Variants in SLC7A2 observed in about 807,000 individuals in gnomAD.
SLC7A2 encodes cationic amino acid transporter 2.
A neutral mutation model predicts 58.9 loss-of-function variants in SLC7A2; 48 were observed. That is an observed-to-expected ratio of 0.82 (90% CI 0.65 to 1.04). The LOEUF (loss-of-function observed/expected upper bound fraction) is 1.04. SLC7A2 is among the 50% of genes least tolerant of loss of function. The pLI is 0.00. For synonymous variants in SLC7A2, 363 were observed against 314.5 expected, an observed-to-expected ratio of 1.15 and a Z score of -1.63; for missense variants, 1,029 against 818.8, an observed-to-expected ratio of 1.26 and a Z score of -3.13.
chr8:17,507,657 A>G (rs992235765), intron 2 of SLC7A2, among the ~76,000 whole-genome samples: 14 of 152,218 alleles, frequency 9.2e-5, no homozygotes, highest in Non-Finnish European at 2.1e-4. Context: ...TCCTATAAAT[A>G]TGTACAATTA....
intron 2 of SLC7A2, among the ~76,000 whole-genome samples, chr8:17,508,882 A>G (rs892476652): frequency 3.9e-5 from 6 of 152,120 alleles, no homozygotes; most frequent in Admixed American, 3.3e-4. Context: ...TATTTCTCTC[A>G]GTTTTTGAAG....
At chr8:17,523,753 A>G (rs1801109728) in intron 2 of SLC7A2, among the ~76,000 whole-genome samples, 1 of 152,188 alleles carries the variant, frequency 6.6e-6, no homozygotes. Context: ...AAAAACAAAG[A>G]TAACTAGATG....
At chr8:17,517,623 T>G (rs563761269) in intron 2 of SLC7A2, among the ~76,000 whole-genome samples, 1 of 152,196 alleles carries the variant, frequency 6.6e-6, no homozygotes, top group Non-Finnish European at 1.5e-5. Context: ...AGTATCTTTC[T>G]TTGTTCTTAA....
At chr8:17,551,504 G>A (rs545900640) in intron 6 of SLC7A2, among the ~76,000 whole-genome samples, 1 of 152,230 alleles carries the variant, frequency 6.6e-6, no homozygotes, top group South Asian at 2.1e-4. Context: ...GGCTGAGGCA[G>A]GAGAATTGCT....
intron 9 of SLC7A2, among the ~76,000 whole-genome samples, chr8:17,558,823 G>A (rs1403291508): frequency 6.6e-6 from 1 of 152,136 alleles, no homozygotes; most frequent in African/African-American, 2.4e-5. Context: ...TTAAATAAAT[G>A]AGGCTACATT....
At chr8:17,546,428 A>G (rs1344613924) in intron 4 of SLC7A2, among the ~76,000 whole-genome samples, 1 of 152,230 alleles carries the variant, frequency 6.6e-6, no homozygotes, top group Admixed American at 6.5e-5. Context: ...TTTTACGTGA[A>G]GCCGTTGTTT....
chr8:17,560,614 A>G (rs1802926425), intron 10 of SLC7A2, 81 bp downstream of exon 10: 4 of 1,220,896 alleles, frequency 3.3e-6, no homozygotes, highest in Non-Finnish European at 4.8e-6. Context: ...AAGAGAAAAG[A>G]GGGCCTAACA....
intron 11 of SLC7A2, 145 bp downstream of exon 11, chr8:17,562,255 C>T: frequency 1.3e-6 from 1 of 789,286 alleles, no homozygotes. Flanking sequence ...GGCTGGAGTG[C>T]AATGGAGCGA....
intron 8 of SLC7A2, among the ~76,000 whole-genome samples, chr8:17,557,785 A>G (rs982104304): frequency 6.6e-6 from 1 of 152,162 alleles, no homozygotes; most frequent in Non-Finnish European, 1.5e-5. Context: ...CCGAGATCGC[A>G]CCACTGCACT....
chr8:17,558,295 C>A lies in SLC7A2; in HGVS notation c.1196C>A (p.Ala399Asp). The A allele has an allele frequency of 6.2e-7, 1 of 1,608,000 alleles. No homozygotes were observed. Among genetic ancestry groups the A allele is most frequent in the South Asian group, 1.1e-5 (1 of 90,700 alleles). ...CACCGTTCTTTTCTTCTCCCCCTAG[C>A]TTTGATGGCCTTTCTGTTTGACCTG... ...IATLSSGAVA[A>D]LMAFLFDLKA... The change falls in exon 9 of 13, where the codon GCT becomes GAT. Residue 399 changes from alanine to aspartate, a missense_variant and splice_region_variant. Ala to Asp is a moderately radical substitution (Grantham distance 126). Coordinates refer to ENST00000494857, the MANE Select transcript of SLC7A2 (RefSeq NM_001370338.1).
intron 2 of SLC7A2, among the ~76,000 whole-genome samples, chr8:17,509,241 A>T (rs995630189): frequency 6.6e-5 from 10 of 152,226 alleles, no homozygotes; most frequent in African/African-American, 2.4e-4. Flanking sequence ...ATGAATCAGA[A>T]TTCAGGCTAT....
rs1803436530 is a variant in SLC7A2 at position 17,569,927 on chromosome 8, T to C, written c.*4781T>C. On this transcript the variant is annotated 3_prime_UTR_variant, in exon 13 of 13. Transcript: ENST00000494857. ...GAGCATCTATGTGTAGCTACCCTTG[T>C]TGGGTGGGCTCTTAGACTGATGGGG... 6.6e-6 allele frequency: 1 copy of C among 152,090 alleles called. No individual in the cohort carries two copies. The highest frequency in any genetic ancestry group is 1.5e-5 in the Non-Finnish European group (1 of 68,022). 9.4% of individuals were successfully genotyped at this position (152,090 alleles called of 1,614,324 possible). A position where few individuals can be genotyped will look rare whatever the true frequency, so the allele number is the denominator to read the frequency against.
At chr8:17,541,640 T>C (rs2517250) in intron 2 of SLC7A2, among the ~76,000 whole-genome samples, 124,414 of 152,198 alleles carry the variant, frequency 0.82, 51,176 homozygotes, top group East Asian at 1. Flanking sequence ...TCAGTTATTT[T>C]CTCATCTGTT....
At chr8:17,552,148 T>G (rs1331124689) in intron 7 of SLC7A2, among the ~76,000 whole-genome samples, 162 bp downstream of exon 7, 4 of 152,182 alleles carry the variant, frequency 2.6e-5, no homozygotes, top group Non-Finnish European at 5.9e-5. Context: ...CACATAAAAA[T>G]CTTAAAGGAT....
intron 2 of SLC7A2, among the ~76,000 whole-genome samples, chr8:17,522,253 A>T (rs895142610): frequency 2.6e-5 from 4 of 152,178 alleles, no homozygotes; most frequent in African/African-American, 9.6e-5. Flanking sequence ...TTATAAAACC[A>T]TCAAATCTCG....
chr8:17,561,892 A>C, intron 10 of SLC7A2, 52 bp from the exon 11 acceptor site: 1 of 1,571,918 alleles, frequency 6.4e-7, no homozygotes, highest in South Asian at 1.1e-5. Flanking sequence ...GCACCAAGCA[A>C]TCTGGGTGGA....
chr8:17,557,794 C>T (rs1158665692), intron 8 of SLC7A2, among the ~76,000 whole-genome samples: 1 of 152,114 alleles, frequency 6.6e-6, no homozygotes, highest in African/African-American at 2.4e-5. Flanking sequence ...CACCACTGCA[C>T]TCCACCCTGG....
At chr8:17,503,501 C>T (rs1279771867) in intron 2 of SLC7A2, among the ~76,000 whole-genome samples, 2 of 152,126 alleles carry the variant, frequency 1.3e-5, no homozygotes, top group Non-Finnish European at 1.5e-5. Context: ...TCATACGCGG[C>T]GCTCATAGTT....
chr8:17,540,973 G>GTT (rs879663344), intron 2 of SLC7A2, among the ~76,000 whole-genome samples: 3 of 152,126 alleles, frequency 2.0e-5, no homozygotes, highest in Non-Finnish European at 2.9e-5. Context: ...CCATGGGCAT[G>GTT]TTTTATTTGG....
Sources: allele counts gnomAD v4.1 joint callset (sites outside exome capture counted in the v4.1 genomes callset), GRCh38; gene constraint gnomAD v4.1.1; transcripts MANE v1.5; gene names NCBI Gene and HGNC (gene_info 2026-07-23, HGNC 2026-07-21).